NCOR1: variants seen among roughly 807,000 people sequenced by gnomAD.
The protein encoded by NCOR1 is nuclear receptor corepressor 1, also known as protein phosphatase 1, regulatory subunit 109.
A neutral mutation model predicts 288.1 loss-of-function variants in NCOR1; 63 were observed. The observed-to-expected ratio is 0.22, with a 90% CI of 0.18 to 0.27. The LOEUF is 0.27. NCOR1 is among the 10% of genes least tolerant of loss of function. The pLI is 1.00. For missense variants in NCOR1, 2,397 were observed against 3,019.2 expected, an observed-to-expected ratio of 0.79 and a Z score of 4.83; for synonymous variants, 1,007 against 1,065.9, an observed-to-expected ratio of 0.94 and a Z score of 1.08.
chr17:16,213,947 A>G (rs553978353), intron 1 of NCOR1, among the ~76,000 whole-genome samples: 11 of 152,368 alleles, frequency 7.2e-5, no homozygotes, highest in Admixed American at 5.9e-4. Flanking sequence ...ATACATAGCT[A>G]TATCCATATA....
At position 16,047,105 on chromosome 17, in the gene NCOR1, A is replaced by C. The variant is rs774771887; in HGVS notation, c.6537-12T>G. ...AGCGGGCATCATTCCTGTTAGGGCC[A>C]AAGTTAAGTATATTACAACCACGTA... On this transcript the variant is annotated splice_polypyrimidine_tract_variant and intron_variant, in intron 41 of 45. Coordinates refer to ENST00000268712, the MANE Select transcript of NCOR1 (RefSeq NM_006311.4). 2 of 1,608,208 alleles carry C rather than the reference A, an allele frequency of 1.2e-6. No homozygotes were observed. Among genetic ancestry groups the C allele is most frequent in the Non-Finnish European group, 1.7e-6 (2 of 1,177,148 alleles).
chr17:16,132,119 C>T (rs1040798643), intron 14 of NCOR1, among the ~76,000 whole-genome samples: 4 of 152,112 alleles, frequency 2.6e-5, no homozygotes, highest in African/African-American at 4.8e-5. Context: ...GCTATATTTA[C>T]CTAAGTATAT....
chr17:16,039,753 G>C (rs2057191382), intron 43 of NCOR1, 99 bp from the exon 44 acceptor site: 1 of 1,074,818 alleles, frequency 9.3e-7, no homozygotes, highest in East Asian at 2.6e-5. Context: ...CACAGCACTT[G>C]GCAAGTGACC....
At chr17:16,189,164 TG>T (rs1024519837) in intron 2 of NCOR1, among the ~76,000 whole-genome samples, 3 of 55,094 alleles carry the variant, frequency 5.4e-5, no homozygotes, top group Non-Finnish European at 2.0e-4. Flanking sequence ...GAGGCCAAGG[TG>T]GGAGGGTTGC....
rs565290723 is a variant in NCOR1 at position 16,101,383 on chromosome 17, C to T, written c.2557G>A (p.Val853Met). The change falls in exon 20 of 46, where the codon GTG becomes ATG. Residue 853 changes from valine (V) to methionine (M), a missense_variant. By Grantham distance (21) the Val-to-Met change is conservative. Transcript: ENST00000268712. ...ERDLDRASEK[V>M]EPRDEDLVVA... ...ACCAAATCTTCATCTCTAGGTTCCA[C>T]CTTCTCACTGGCTCTATCCAAGTCT... 2 of 1,614,260 alleles carry T rather than the reference C, an allele frequency of 1.2e-6. No individual in the cohort carries two copies. Among genetic ancestry groups the T allele is most frequent in the South Asian group, 2.2e-5 (2 of 91,090 alleles).
intron 21 of NCOR1, among the ~76,000 whole-genome samples, chr17:16,092,699 T>A (rs1375278051): frequency 5.0e-3 from 179 of 35,562 alleles, no homozygotes; most frequent in East Asian, 0.037. Flanking sequence ...ATATATATTT[T>A]TTTTTTTTTT....
chr17:16,034,117 C>T (rs1201233744), intron 45 of NCOR1, among the ~76,000 whole-genome samples: 1 of 152,180 alleles, frequency 6.6e-6, no homozygotes, highest in Non-Finnish European at 1.5e-5. Context: ...GGCATGGGTA[C>T]ATTCAGGTAC....
chr17:16,045,818 AT>A (rs57077883), intron 42 of NCOR1, among the ~76,000 whole-genome samples: 1,721 of 149,532 alleles, frequency 0.012, 33 homozygotes, highest in African/African-American at 0.039. Context: ...TTTAAAAAAA[AT>A]TTTTTTTTTT....
At chr17:16,146,906 T>C (rs1373998583) in intron 9 of NCOR1, among the ~76,000 whole-genome samples, 1 of 152,316 alleles carries the variant, frequency 6.6e-6, no homozygotes, top group Admixed American at 6.5e-5. Context: ...AACATGTAAA[T>C]AGTTCATAAT....
chr17:16,034,646 T>C, intron 45 of NCOR1, 119 bp downstream of exon 45: 5 of 904,542 alleles, frequency 5.5e-6, no homozygotes, highest in Non-Finnish European at 8.5e-6. Flanking sequence ...ATATTAATGA[T>C]ACAGAAATGG....
At chr17:16,160,109 G>A (rs943163597) in intron 5 of NCOR1, among the ~76,000 whole-genome samples, 1 of 152,066 alleles carries the variant, frequency 6.6e-6, no homozygotes, top group African/African-American at 2.4e-5. Context: ...CGGGATTACC[G>A]CTGTGAGCCA....
At chr17:16,076,335 C>T (rs2062443110) in intron 26 of NCOR1, among the ~76,000 whole-genome samples, 1 of 152,156 alleles carries the variant, frequency 6.6e-6, no homozygotes, top group Admixed American at 6.5e-5. Flanking sequence ...ATCAACAACG[C>T]ATTTGGCCCA....
At chr17:16,038,846 C>T (rs2056986264) in intron 44 of NCOR1, among the ~76,000 whole-genome samples, 1 of 152,180 alleles carries the variant, frequency 6.6e-6, no homozygotes, top group African/African-American at 2.4e-5. Flanking sequence ...TCTCAGCTCA[C>T]AGCAACCTCC....
chr17:16,047,466 C>A (rs796563335), intron 41 of NCOR1, among the ~76,000 whole-genome samples: 2 of 152,238 alleles, frequency 1.3e-5, no homozygotes, highest in South Asian at 2.1e-4. Context: ...AAACTGGGAA[C>A]AATTTTACTA....
intron 20 of NCOR1, chr17:16,098,735 T>C: frequency 3.9e-6 from 1 of 258,092 alleles, no homozygotes; most frequent in Middle Eastern, 1.2e-3. Flanking sequence ...ATACTAAAAT[T>C]GAAATGATAC....
intron 27 of NCOR1, among the ~76,000 whole-genome samples, chr17:16,074,940 T>A (rs1012116592): frequency 1.1e-3 from 163 of 152,306 alleles, no homozygotes; most frequent in African/African-American, 3.8e-3. Flanking sequence ...CAATCTCAGC[T>A]CACTGCAAGT....
chr17:16,151,329 G>A (rs1449833713), intron 8 of NCOR1, among the ~76,000 whole-genome samples: 2 of 152,094 alleles, frequency 1.3e-5, no homozygotes, highest in East Asian at 3.8e-4. Context: ...GTACTAGGAT[G>A]AGCAAGGCTA....
intron 44 of NCOR1, among the ~76,000 whole-genome samples, chr17:16,036,403 A>G (rs1567627321): frequency 6.6e-6 from 1 of 152,230 alleles, no homozygotes; most frequent in Non-Finnish European, 1.5e-5. Flanking sequence ...TAGGATTTTC[A>G]GAATGGTAAA....
rs1428067658 is a variant in NCOR1 at position 16,031,885 on chromosome 17, C to T, written c.*411G>A. 1 of 235,590 alleles carries T rather than the reference C, an allele frequency of 4.2e-6. No individual in the cohort carries two copies. The allele number at this position is 235,590 out of a possible 1,614,324, so 14.6% of individuals were successfully genotyped here. On this transcript the variant is annotated 3_prime_UTR_variant, in exon 46 of 46. Coordinates refer to ENST00000268712, the MANE Select transcript of NCOR1 (RefSeq NM_006311.4). ...AGACAAAAAGATTTTTAAAAATCAC[C>T]CCCAAAGTTGATGCGCTGATTTGAA...
Sources: allele counts gnomAD v4.1 joint callset (sites outside exome capture counted in the v4.1 genomes callset), GRCh38; gene constraint gnomAD v4.1.1; transcripts MANE v1.5; gene names NCBI Gene and HGNC (gene_info 2026-07-23, HGNC 2026-07-21).